TMPO: variants seen among roughly 807,000 people sequenced by gnomAD.
TMPO encodes the protein thymopoietin, also known as LEM domain containing 4.
In TMPO, 22 loss-of-function variants were observed where a neutral mutation model predicts 45.4. The observed-to-expected ratio is 0.48, with a 90% CI of 0.35 to 0.69. The LOEUF is 0.69. Ranked by LOEUF, TMPO falls within the 30% of genes least tolerant of loss-of-function variation. The pLI is 0.01. For synonymous variants in TMPO, 241 were observed against 204.1 expected (o/e 1.18, Z -1.54); for missense variants, 512 against 548.8 (o/e 0.93, Z 0.67).
chr12:98,539,471 CTT>C (rs398039980), intron 4 of TMPO, among the ~76,000 whole-genome samples: 77 of 123,434 alleles, frequency 6.2e-4, no homozygotes, highest in Admixed American at 1.0e-3. Context: ...TTTTAAATTA[CTT>C]TTTTTTTTTT....
intron 4 of TMPO, among the ~76,000 whole-genome samples, chr12:98,542,708 A>G (rs1234817323): frequency 1.3e-5 from 2 of 152,044 alleles, no homozygotes; most frequent in African/African-American, 4.8e-5. Context: ...ATACAAAAAA[A>G]TCAGCCAAGT....
chr12:98,519,141 CAA>C (rs2121118373), intron 1 of TMPO, among the ~76,000 whole-genome samples: 2 of 152,316 alleles, frequency 1.3e-5, no homozygotes, highest in East Asian at 3.9e-4. Context: ...CTCGGCTTCT[CAA>C]AGTGCTGGGA....
chr12:98,521,763 G>T (rs560461217), intron 1 of TMPO, among the ~76,000 whole-genome samples: 17 of 152,044 alleles, frequency 1.1e-4, no homozygotes, highest in Non-Finnish European at 2.1e-4. Flanking sequence ...GGAGTCTTGC[G>T]CTGTCATCCA....
chr12:98,516,119 G>C lies in TMPO; in HGVS notation c.252G>C (p.Ala84=). The change falls in exon 1 of 9, where the codon GCG becomes GCC. Residue 84 remains alanine, a synonymous_variant. Transcript: ENST00000556029. ...TPVLGSGAAA[A]GRSRAAVGRK... ...TCCTCGGCTCTGGGGCCGCCGCCGC[G>C]GGCCGGAGCCGAGCAGCCGTCGGCA... 1 of 1,509,534 alleles carries C rather than the reference G, an allele frequency of 6.6e-7. No homozygotes were observed. The highest frequency in any genetic ancestry group is 1.3e-5 in the South Asian group (1 of 79,462). The allele number at this position is 1,509,534 out of a possible 1,614,324, so 93.5% of individuals were successfully genotyped here.
At position 98,521,100 on chromosome 12, in the gene TMPO, A is replaced by ATTTTTTTTTTTTTTTTTTTTTT. The variant is rs398044704; in HGVS notation, c.279+4958_279+4979dup. Reference sequence around the variant, plus strand: ...CTATTTAATCATGGGTTTATGAGGAATTTTTTTTTTTTTTTTTTTTTTTTT... The same window carrying ATTTTTTTTTTTTTTTTTTTTTT: ...CTATTTAATCATGGGTTTATGAGGAATTTTTTTTTTTTTTTTTTTTTTTTTTTTTTTTTTTTTTTTTTTTTTT... On this transcript the variant is annotated intron_variant, in intron 1 of 8. Coordinates refer to ENST00000556029, the MANE Select transcript of TMPO (RefSeq NM_001032283.3). 2.1e-4 allele frequency among the ~76,000 whole-genome samples: 16 copies of ATTTTTTTTTTTTTTTTTTTTTT among 76,770 alleles called. 3 individuals carry two copies. Among genetic ancestry groups the ATTTTTTTTTTTTTTTTTTTTTT allele is most frequent in the South Asian group, 4.4e-4 (1 of 2,258 alleles). The allele number at this position is 76,770 out of a possible 152,430, so 50.4% of individuals were successfully genotyped here.
chr12:98,533,610 A>C (rs775913052), intron 3 of TMPO: 2 of 1,614,194 alleles, frequency 1.2e-6, no homozygotes, highest in Non-Finnish European at 1.7e-6. Context: ...TTCAGAACAT[A>C]CCTGGATCCG....
At position 98,515,599 on chromosome 12, in the gene TMPO, T is replaced by C; in HGVS notation, c.-269T>C. 1.8e-6 allele frequency: 1 copy of C among 546,968 alleles called. No homozygotes were observed. Among genetic ancestry groups the C allele is most frequent in the South Asian group, 2.5e-5 (1 of 40,810 alleles). 33.9% of individuals were successfully genotyped at this position (546,968 alleles called of 1,614,324 possible). On this transcript the variant is annotated 5_prime_UTR_variant, in exon 1 of 9. Transcript: ENST00000556029. Reference sequence around the variant, plus strand: ...TTCTTGGGGCGTGGGCGAAGCAGGCTGCTCGCCTCCTGCCTGTAGTGTGTG... The same window carrying C: ...TTCTTGGGGCGTGGGCGAAGCAGGCCGCTCGCCTCCTGCCTGTAGTGTGTG...
chr12:98,544,872 T>C (rs1878128381), intron 6 of TMPO, 79 bp from the exon 7 acceptor site: 2 of 1,185,872 alleles, frequency 1.7e-6, no homozygotes, highest in Non-Finnish European at 2.5e-6. Flanking sequence ...ATTACAGAGA[T>C]AAAATATCTT....
At position 98,537,591 on chromosome 12, in the gene TMPO, C is replaced by G; in HGVS notation, c.663+19C>G. The G allele has an allele frequency of 1.3e-6, 2 of 1,568,482 alleles. No homozygotes were observed. Among genetic ancestry groups the G allele is most frequent in the Non-Finnish European group, 1.8e-6 (2 of 1,141,724 alleles). On this transcript the variant is annotated intron_variant, in intron 4 of 8. Transcript: ENST00000556029. ...CAATCAGGTATCTTTAGTTTTATTA[C>G]CACCGTGTACAGGTATAAATAACCT...
intron 1 of TMPO, among the ~76,000 whole-genome samples, chr12:98,518,470 C>CTTTTTTTTTTTTTTTTTT (rs11437786): frequency 2.4e-5 from 2 of 83,538 alleles, no homozygotes; most frequent in African/African-American, 5.1e-5. Flanking sequence ...ATTTTCTAAT[C>CTTTTTTTTTTTTTTTTTT]TTTTTTTTTT....
intron 3 of TMPO, chr12:98,534,594 TTC>T (rs1877456611): frequency 2.0e-5 from 25 of 1,257,150 alleles, no homozygotes; most frequent in Non-Finnish European, 2.4e-5. Context: ...CTAAGTTGTT[TTC>T]TGTTTCCTGC....
Position 98,516,100 on chromosome 12 carries a change from G to C in TMPO, c.233G>C (p.Gly78Ala), listed in dbSNP as rs1442416247. The C allele has an allele frequency of 6.4e-7, 1 of 1,562,476 alleles. No individual in the cohort carries two copies. The highest frequency in any genetic ancestry group is 8.6e-7 in the Non-Finnish European group (1 of 1,161,556). Residue 78 changes from glycine (G) to alanine (A), a missense_variant, in exon 1 of 9, where the codon GGC becomes GCC. By Grantham distance (60) the Gly-to-Ala change is moderately conservative (BLOSUM62 0). Transcript: ENST00000556029. ...DEEREPTPVL[G>A]SGAAAAGRSR... ...GAGCGCGAGCCCACCCCGGTCCTCG[G>C]CTCTGGGGCCGCCGCCGCGGGCCGG...
chr12:98,550,003 T>G lies in TMPO; in HGVS notation c.*2145T>G, dbSNP rs768412629. 6 of 152,248 alleles carry G rather than the reference T, an allele frequency of 3.9e-5. No individual in the cohort carries two copies. The highest frequency in any genetic ancestry group is 8.8e-5 in the Non-Finnish European group (6 of 68,040). The allele number at this position is 152,248 out of a possible 1,614,324, so 9.4% of individuals were successfully genotyped here. A position where few individuals can be genotyped will look rare whatever the true frequency, so the allele number is the denominator to read the frequency against. On this transcript the variant is annotated 3_prime_UTR_variant, in exon 9 of 9. Coordinates refer to ENST00000556029, the MANE Select transcript of TMPO (RefSeq NM_001032283.3). ...TTTGAAACTTTGTTTCCCATACTGT[T>G]TTCAGCCTTTTGTTTATAATTAGAA...
At chr12:98,521,099 A>ATTTTTT (rs1565804759) in intron 1 of TMPO, among the ~76,000 whole-genome samples, 14 of 93,008 alleles carry the variant, frequency 1.5e-4, no homozygotes, top group African/African-American at 5.7e-4. Flanking sequence ...GTTTATGAGG[A>ATTTTTT]ATTTTTTTTT....
At position 98,516,053 on chromosome 12, in the gene TMPO, C is replaced by G. The variant is rs927921003; in HGVS notation, c.186C>G (p.Pro62=). 4 of 1,610,752 alleles carry G rather than the reference C, an allele frequency of 2.5e-6. No individual in the cohort carries two copies. Among genetic ancestry groups the G allele is most frequent in the Non-Finnish European group, 8.5e-7 (1 of 1,179,436 alleles). ...CCGCCGGCACCAACAGCAAGGGGCC[C>G]CCGGACTTCTCCAGTGACGAAGAGC... ...PLPAGTNSKG[P]PDFSSDEERE... is the part of the protein sequence containing the mutation. Residue 62 remains proline, a synonymous_variant, in exon 1 of 9, where the codon CCC becomes CCG. Transcript: ENST00000556029.
At chr12:98,523,818 G>C (rs776899622) in intron 1 of TMPO, among the ~76,000 whole-genome samples, 1 of 152,070 alleles carries the variant, frequency 6.6e-6, no homozygotes, top group Non-Finnish European at 1.5e-5. Context: ...TAGGACTATA[G>C]GCGTGTGCCA....
chr12:98,530,510 C>G (rs937263177), intron 2 of TMPO, among the ~76,000 whole-genome samples: 1 of 31,974 alleles, frequency 3.1e-5, no homozygotes, highest in Non-Finnish European at 7.6e-5. Flanking sequence ...CTCATCTTAC[C>G]AGGAGTTAAG....
chr12:98,523,738 C>T (rs1486765030), intron 1 of TMPO, among the ~76,000 whole-genome samples: 1 of 152,016 alleles, frequency 6.6e-6, no homozygotes, highest in Non-Finnish European at 1.5e-5. Flanking sequence ...TGCAGTGGCG[C>T]AATCTTGGCT....
intron 3 of TMPO, chr12:98,534,281 G>A (rs1279978228): frequency 4.3e-6 from 7 of 1,613,454 alleles, no homozygotes; most frequent in Non-Finnish European, 5.9e-6. Context: ...CCCTTTAAAG[G>A]TGGAACATTA....
Sources: allele counts gnomAD v4.1 joint callset (sites outside exome capture counted in the v4.1 genomes callset), GRCh38; gene constraint gnomAD v4.1.1; transcripts MANE v1.5; gene names NCBI Gene and HGNC (gene_info 2026-07-23, HGNC 2026-07-21).